TMEM178B: variants seen among roughly 807,000 people sequenced by gnomAD.
TMEM178B encodes transmembrane protein 178B.
Under a neutral mutation model 31.0 loss-of-function variants are expected in TMEM178B, and 5 were observed. That is an observed-to-expected ratio of 0.16 (90% CI 0.08 to 0.34). The LOEUF is 0.34. Among genes scored for constraint, TMEM178B ranks in the 10% least tolerant of loss-of-function variants. The probability of loss-of-function intolerance (pLI) is 1.00; values close to 1 mark genes in which losing one functional copy is unlikely to be tolerated. For synonymous variants in TMEM178B, 164 were observed against 164.0 expected (o/e 1.00, Z 0.00); for missense variants, 275 against 400.3 (o/e 0.69, Z 2.67).
At chr7:141,111,465 A>G (rs1795233963) in intron 1 of TMEM178B, among the ~76,000 whole-genome samples, 1 of 152,224 alleles carries the variant, frequency 6.6e-6, no homozygotes, top group Non-Finnish European at 1.5e-5. Flanking sequence ...GGTGTCTACA[A>G]CCTGAAGAAT....
chr7:141,372,760 A>G (rs1005473140), intron 2 of TMEM178B, among the ~76,000 whole-genome samples: 4 of 152,226 alleles, frequency 2.6e-5, no homozygotes, highest in African/African-American at 7.2e-5. Flanking sequence ...TTTGAAAACT[A>G]TGTGTAGTTC....
intron 2 of TMEM178B, among the ~76,000 whole-genome samples, chr7:141,300,715 A>G (rs990673065): frequency 6.6e-6 from 1 of 152,046 alleles, no homozygotes; most frequent in Non-Finnish European, 1.5e-5. Context: ...AAGGTTGTTG[A>G]CCTACACAGG....
At chr7:141,327,035 A>C (rs887424836) in intron 2 of TMEM178B, among the ~76,000 whole-genome samples, 1 of 152,202 alleles carries the variant, frequency 6.6e-6, no homozygotes, top group Non-Finnish European at 1.5e-5. Context: ...AATTCTTTCC[A>C]TATGTCTCCC....
chr7:141,385,771 T>C (rs1196753876), intron 2 of TMEM178B, among the ~76,000 whole-genome samples: 1 of 152,150 alleles, frequency 6.6e-6, no homozygotes, highest in Non-Finnish European at 1.5e-5. Context: ...CCTAGGTGAG[T>C]CTAGGAACAG....
chr7:141,338,912 C>T (rs10250628), intron 2 of TMEM178B, among the ~76,000 whole-genome samples: 81,086 of 152,044 alleles, frequency 0.53, 22,475 homozygotes, highest in African/African-American at 0.69. Flanking sequence ...TCACAAATAA[C>T]TGTGCAATGG....
At position 141,470,627 on chromosome 7, in the gene TMEM178B, T is replaced by C. The variant is rs1444803212; in HGVS notation, c.726T>C (p.Asp242=). ...CACGCTACCTGTACGGACTCCCTGA[T>C]GACATCAGCCATGGCTATGGCTGGT... is the stretch of plus-strand genomic sequence containing the variant. ...RYPRYLYGLP[D]DISHGYGWSM... Residue 242 remains aspartate (D), a synonymous_variant, in exon 4 of 4, where the codon GAT becomes GAC. Coordinates refer to ENST00000565468, the MANE Select transcript of TMEM178B (RefSeq NM_001195278.2). 2 of 1,535,578 alleles carry C rather than the reference T, an allele frequency of 1.3e-6. No individual in the cohort carries two copies. The highest frequency in any genetic ancestry group is 1.2e-5 in the South Asian group (1 of 83,988).
At chr7:141,390,558 T>G (rs1800516120) in intron 2 of TMEM178B, among the ~76,000 whole-genome samples, 1 of 152,230 alleles carries the variant, frequency 6.6e-6, no homozygotes, top group African/African-American at 2.4e-5. Flanking sequence ...CCAGTGGGGT[T>G]TGAAGAACGC....
intron 2 of TMEM178B, among the ~76,000 whole-genome samples, chr7:141,328,244 A>G (rs1799232670): frequency 6.6e-6 from 1 of 152,196 alleles, no homozygotes; most frequent in South Asian, 2.1e-4. Flanking sequence ...GAGGAATGCC[A>G]GCTGGAGTTT....
chr7:141,373,045 C>T lies in TMEM178B; in HGVS notation c.497-64563C>T, dbSNP rs2116572828. Reference sequence around the variant, plus strand: ...GCTCAGACACTTAGTAGCTGTGTGACTTTGGGCAAATTATTTAATCTCTCT... The same window carrying T: ...GCTCAGACACTTAGTAGCTGTGTGATTTTGGGCAAATTATTTAATCTCTCT... On this transcript the variant is annotated intron_variant, in intron 2 of 3. Coordinates refer to ENST00000565468, the MANE Select transcript of TMEM178B (RefSeq NM_001195278.2). Among the ~76,000 whole-genome samples the T allele has an allele frequency of 4.6e-5, 7 of 152,328 alleles. 1 individual carries two copies. The South Asian group carries it at 1.5e-3, about 32-fold the overall frequency.
intron 1 of TMEM178B, among the ~76,000 whole-genome samples, chr7:141,092,079 G>A (rs547904067): frequency 6.6e-5 from 10 of 152,156 alleles, no homozygotes; most frequent in Non-Finnish European, 1.3e-4. Context: ...TGTGTCCACT[G>A]TTATAGCTGA....
chr7:141,125,569 T>C (rs1795478040), intron 1 of TMEM178B, among the ~76,000 whole-genome samples: 1 of 150,198 alleles, frequency 6.7e-6, no homozygotes, highest in Non-Finnish European at 1.5e-5. Context: ...TAATCCCAGC[T>C]ACTTAGGAGG....
chr7:141,377,690 A>G (rs1052026949), intron 2 of TMEM178B, among the ~76,000 whole-genome samples: 35 of 152,106 alleles, frequency 2.3e-4, no homozygotes, highest in African/African-American at 7.7e-4. Context: ...GAAAAAAGGG[A>G]AAAAAAGAAA....
intron 3 of TMEM178B, among the ~76,000 whole-genome samples, chr7:141,467,480 A>G (rs571217955): frequency 6.6e-6 from 1 of 152,296 alleles, no homozygotes; most frequent in South Asian, 2.1e-4. Flanking sequence ...TGAGTAAACA[A>G]TCATCTACTA....
In TMEM178B at chr7:141,124,416, A is replaced by G. The variant is rs188730615; in HGVS notation, c.382+49724A>G. On this transcript the variant is annotated intron_variant, in intron 1 of 3. Transcript: ENST00000565468. ...CAAATAAATGTGAACTTCTGCCTCA[A>G]TGGACACAGGTTAGTCTATCTGGTA... Among the ~76,000 whole-genome samples the G allele has an allele frequency of 1.3e-3, 193 of 152,246 alleles. 1 individual carries two copies. Among genetic ancestry groups the G allele is most frequent in the African/African-American group, 4.2e-3 (176 of 41,564 alleles).
chr7:141,089,837 A>G lies in TMEM178B; in HGVS notation c.382+15145A>G, dbSNP rs553568979. On this transcript the variant is annotated intron_variant, in intron 1 of 3. Transcript: ENST00000565468. Reference sequence around the variant, plus strand: ...AGAACACTTGGATACAGGAAGGGGAACATCACACACCAGGGCCTGTTGTGG... The same window carrying G: ...AGAACACTTGGATACAGGAAGGGGAGCATCACACACCAGGGCCTGTTGTGG... 3.3e-5 allele frequency among the ~76,000 whole-genome samples: 5 copies of G among 152,200 alleles called. No individual in the cohort carries two copies. The East Asian group carries it at 9.7e-4, about 29-fold the overall frequency.
intron 2 of TMEM178B, among the ~76,000 whole-genome samples, chr7:141,224,455 C>T (rs755892964): frequency 2.0e-5 from 3 of 152,172 alleles, no homozygotes; most frequent in Non-Finnish European, 4.4e-5. Context: ...CCTGGATGCC[C>T]CAGCCATTTT....
At chr7:141,277,615 C>G (rs2116391951) in intron 2 of TMEM178B, among the ~76,000 whole-genome samples, 1 of 152,184 alleles carries the variant, frequency 6.6e-6, no homozygotes, top group Middle Eastern at 3.4e-3. Flanking sequence ...ATAGTAAATA[C>G]TAGATGACAG....
At chr7:141,329,520 C>T (rs1454262703) in intron 2 of TMEM178B, among the ~76,000 whole-genome samples, 1 of 152,194 alleles carries the variant, frequency 6.6e-6, no homozygotes, top group Non-Finnish European at 1.5e-5. Flanking sequence ...ATTCCTCTTC[C>T]ACAGGATAAA....
chr7:141,340,440 GTTA>G lies in TMEM178B; in HGVS notation c.497-97163_497-97161del, dbSNP rs200963186. Among the ~76,000 whole-genome samples, 1,297 of 152,282 alleles carry G rather than the reference GTTA, an allele frequency of 8.5e-3. 21 individuals are homozygous for G. Among genetic ancestry groups the G allele is most frequent in the African/African-American group, 0.029 (1,213 of 41,548 alleles). ...TGTAGAAATTTAATCTATAAATCTT[GTTA>G]TTATAATTTGGCACATGTAGCTGTA... On this transcript the variant is annotated intron_variant, in intron 2 of 3. Transcript: ENST00000565468.
Sources: allele counts gnomAD v4.1 joint callset (sites outside exome capture counted in the v4.1 genomes callset), GRCh38; gene constraint gnomAD v4.1.1; transcripts MANE v1.5; gene names NCBI Gene and HGNC (gene_info 2026-07-23, HGNC 2026-07-21).